Variants in AGBL4 observed in about 807,000 individuals in gnomAD.
AGBL4 encodes cytosolic carboxypeptidase 6.
AGBL4 carries 58 observed loss-of-function variants against 66.4 expected under a neutral mutation model. That is an observed-to-expected ratio of 0.87 (90% CI 0.71 to 1.09). The LOEUF (loss-of-function observed/expected upper bound fraction) is 1.09, where lower values mean the gene tolerates loss of function less well. Among genes scored for constraint, AGBL4 ranks in the 50% least tolerant of loss-of-function variants. AGBL4 has a pLI of 0.00. For synonymous variants in AGBL4, 234 were observed against 222.9 expected, an observed-to-expected ratio of 1.05 and a Z score of -0.44; for missense variants, 579 against 631.0, an observed-to-expected ratio of 0.92 and a Z score of 0.88.
chr1:49,288,555 TC>T (rs1354882571), intron 3 of AGBL4, among the ~76,000 whole-genome samples: 8 of 152,236 alleles, frequency 5.3e-5, no homozygotes, highest in Admixed American at 3.3e-4. Context: ...TTCCTTCAAT[TC>T]ACTTGCAAAA....
At chr1:49,688,651 C>G (rs1646830082) in intron 3 of AGBL4, among the ~76,000 whole-genome samples, 1 of 152,144 alleles carries the variant, frequency 6.6e-6, no homozygotes, top group African/African-American at 2.4e-5. Flanking sequence ...AGGTCCAAAA[C>G]TGTTCTCCAT....
intron 3 of AGBL4, among the ~76,000 whole-genome samples, chr1:49,566,729 A>G (rs897440665): frequency 6.6e-6 from 1 of 152,184 alleles, no homozygotes; most frequent in Non-Finnish European, 1.5e-5. Flanking sequence ...CCTCCCAGTT[A>G]GGCTACTCGG....
At chr1:48,999,058 A>T (rs1661212346) in intron 5 of AGBL4, among the ~76,000 whole-genome samples, 1 of 152,192 alleles carries the variant, frequency 6.6e-6, no homozygotes, top group East Asian at 1.9e-4. Flanking sequence ...ACTGTATGAG[A>T]GATGTCTTTC....
chr1:49,985,619 C>T (rs764186754), intron 1 of AGBL4, among the ~76,000 whole-genome samples: 3 of 152,152 alleles, frequency 2.0e-5, no homozygotes, highest in Non-Finnish European at 4.4e-5. Context: ...AAAGCCAGTA[C>T]ACACGGGCCT....
chr1:49,748,291 T>C (rs1233919185), intron 2 of AGBL4, among the ~76,000 whole-genome samples: 1 of 152,158 alleles, frequency 6.6e-6, no homozygotes, highest in Non-Finnish European at 1.5e-5. Context: ...GTTAGTTTGC[T>C]GAGAATAATG....
chr1:49,283,744 C>A (rs1319231183), intron 3 of AGBL4, among the ~76,000 whole-genome samples: 1 of 146,220 alleles, frequency 6.8e-6, no homozygotes, highest in Non-Finnish European at 1.5e-5. Context: ...GGAGCCGATG[C>A]GATCAACTGG....
intron 5 of AGBL4, among the ~76,000 whole-genome samples, chr1:49,024,715 C>T (rs753621350): frequency 3.3e-5 from 5 of 152,210 alleles, no homozygotes; most frequent in Non-Finnish European, 5.9e-5. Flanking sequence ...TGTATGCCTT[C>T]GGGGAGCTTG....
intron 3 of AGBL4, among the ~76,000 whole-genome samples, chr1:49,654,751 C>A (rs1646085564): frequency 6.6e-6 from 1 of 152,130 alleles, no homozygotes; most frequent in Non-Finnish European, 1.5e-5. Flanking sequence ...GCAACCCCTG[C>A]CTTTTTTTGC....
chr1:49,595,171 C>A (rs1644828545), intron 3 of AGBL4, among the ~76,000 whole-genome samples: 1 of 152,146 alleles, frequency 6.6e-6, no homozygotes, highest in African/African-American at 2.4e-5. Flanking sequence ...CCACTGCAAG[C>A]TCCTCCTACC....
intron 3 of AGBL4, among the ~76,000 whole-genome samples, chr1:49,441,551 C>T (rs973387586): frequency 2.6e-5 from 4 of 152,152 alleles, no homozygotes; most frequent in African/African-American, 9.7e-5. Flanking sequence ...ACCTACTCAT[C>T]TCAGCTGGGA....
At chr1:48,988,214 T>A (rs1408256129) in intron 5 of AGBL4, among the ~76,000 whole-genome samples, 1 of 152,148 alleles carries the variant, frequency 6.6e-6, no homozygotes, top group Non-Finnish European at 1.5e-5. Context: ...GGATTTTTCC[T>A]ACCCATTCCA....
At chr1:48,709,409 C>T (rs1316934733) in intron 6 of AGBL4, among the ~76,000 whole-genome samples, 7 of 152,132 alleles carry the variant, frequency 4.6e-5, no homozygotes, top group East Asian at 1.9e-4. Flanking sequence ...TACACACCTA[C>T]ACACCGAATA....
intron 2 of AGBL4, among the ~76,000 whole-genome samples, chr1:49,789,950 C>A (rs974988252): frequency 2.6e-5 from 4 of 152,106 alleles, no homozygotes; most frequent in African/African-American, 9.7e-5. Context: ...GCTACAGTAA[C>A]CAAACAGCAT....
intron 2 of AGBL4, among the ~76,000 whole-genome samples, chr1:49,783,900 G>A (rs1406972428): frequency 1.3e-5 from 2 of 151,974 alleles, no homozygotes; most frequent in Non-Finnish European, 2.9e-5. Context: ...AATTACATTG[G>A]CAAGAGCATC....
intron 4 of AGBL4, among the ~76,000 whole-genome samples, chr1:49,214,150 T>C (rs1557735434): frequency 6.6e-6 from 1 of 152,116 alleles, no homozygotes; most frequent in Non-Finnish European, 1.5e-5. Flanking sequence ...TAGTAGGGTA[T>C]GTCTAGGGTG....
intron 1 of AGBL4, among the ~76,000 whole-genome samples, chr1:49,972,252 T>C (rs980792570): frequency 6.6e-6 from 1 of 152,000 alleles, no homozygotes; most frequent in Non-Finnish European, 1.5e-5. Flanking sequence ...AGTGGTGTTT[T>C]AGTGTACTCA....
chr1:49,982,457 G>C (rs899303335), intron 1 of AGBL4, among the ~76,000 whole-genome samples: 1 of 152,226 alleles, frequency 6.6e-6, no homozygotes, highest in Non-Finnish European at 1.5e-5. Context: ...GAGGCCAAGG[G>C]GGTGCTGAGG....
At chr1:48,890,598 T>C (rs910999226) in intron 5 of AGBL4, among the ~76,000 whole-genome samples, 1 of 152,170 alleles carries the variant, frequency 6.6e-6, no homozygotes, top group African/African-American at 2.4e-5. Flanking sequence ...TGATGTCCAA[T>C]GTCCACTGAA....
At chr1:49,245,421 T>C (rs1651562776) in intron 4 of AGBL4, among the ~76,000 whole-genome samples, 1 of 151,634 alleles carries the variant, frequency 6.6e-6, no homozygotes, top group Admixed American at 6.6e-5. Context: ...TTATTTATGT[T>C]TCCAAAGATA....
Sources: gnomAD v4.1 joint callset for allele counts (sites outside exome capture counted in the v4.1 genomes callset) on GRCh38, gnomAD v4.1.1 for gene constraint, MANE v1.5 for transcripts, NCBI Gene and HGNC (gene_info 2026-07-23, HGNC 2026-07-21) for gene names.